Variants in NFKB1 observed in about 807,000 individuals in gnomAD.
NFKB1 encodes nuclear factor NF-kappa-B p105 subunit.
Under a neutral mutation model 105.1 loss-of-function variants are expected in NFKB1, and 9 were observed. The ratio of observed to expected loss-of-function variants is 0.09; its 90% CI spans 0.05 to 0.15. The LOEUF is 0.15. NFKB1 is among the 10% of genes least tolerant of loss of function. The probability of loss-of-function intolerance (pLI) is 1.00; values close to 1 mark genes in which losing one functional copy is unlikely to be tolerated. For synonymous variants in NFKB1, 440 were observed against 442.2 expected, an observed-to-expected ratio of 1.00 and a Z score of 0.06; for missense variants, 830 against 1,203.7, an observed-to-expected ratio of 0.69 and a Z score of 4.59.
At chr4:102,561,307 C>A (rs1272783047) in intron 5 of NFKB1, among the ~76,000 whole-genome samples, 1 of 136,664 alleles carries the variant, frequency 7.3e-6, no homozygotes, top group Admixed American at 8.2e-5. Context: ...GCCTGATAAT[C>A]TGACTTGCAA....
At chr4:102,535,432 G>A (rs1407466218) in intron 4 of NFKB1, among the ~76,000 whole-genome samples, 1 of 152,080 alleles carries the variant, frequency 6.6e-6, no homozygotes, top group African/African-American at 2.4e-5. Context: ...TCATATAAAA[G>A]CTTATGTGAG....
At position 102,608,712 on chromosome 4, in the gene NFKB1, G is replaced by T. The variant is rs112860432; in HGVS notation, c.2227+961G>T. Among the ~76,000 whole-genome samples the T allele has an allele frequency of 3.5e-3, 525 of 151,002 alleles. 4 individuals carry two copies. Among genetic ancestry groups the T allele is most frequent in the African/African-American group, 0.012 (503 of 41,048 alleles). On this transcript the variant is annotated intron_variant, in intron 19 of 23. Coordinates refer to ENST00000226574, the MANE Select transcript of NFKB1 (RefSeq NM_003998.4). Reference sequence around the variant, plus strand: ...TGCTTCATAAATTCAAGAAAACAAAGCAAAAGACATAGGAACTTTTTCTTT... The same window carrying T: ...TGCTTCATAAATTCAAGAAAACAAATCAAAAGACATAGGAACTTTTTCTTT...
At chr4:102,583,067 A>G (rs926791067) in intron 10 of NFKB1, 110 bp downstream of exon 10, 18 of 661,740 alleles carry the variant, frequency 2.7e-5, no homozygotes, top group South Asian at 1.7e-4. Flanking sequence ...GTATCCCCCA[A>G]CTGTTGGGCT....
chr4:102,576,035 G>A (rs757567985), intron 6 of NFKB1, among the ~76,000 whole-genome samples: 2 of 152,080 alleles, frequency 1.3e-5, no homozygotes, highest in African/African-American at 2.4e-5. Flanking sequence ...TTTGTTTCAT[G>A]TACTTTAATT....
At chr4:102,510,440 A>G (rs868424692) in intron 1 of NFKB1, among the ~76,000 whole-genome samples, 3 of 152,198 alleles carry the variant, frequency 2.0e-5, no homozygotes, top group Non-Finnish European at 4.4e-5. Flanking sequence ...GTTTGACAAA[A>G]TGAGCATCTC....
chr4:102,515,494 CT>C (rs989883477), intron 1 of NFKB1, among the ~76,000 whole-genome samples: 4 of 151,918 alleles, frequency 2.6e-5, no homozygotes, highest in African/African-American at 9.7e-5. Context: ...CTTCTTTATT[CT>C]TTTTTTTCTC....
chr4:102,558,027 T>C (rs1480350700), intron 5 of NFKB1, among the ~76,000 whole-genome samples: 2 of 150,164 alleles, frequency 1.3e-5, no homozygotes, highest in Non-Finnish European at 3.0e-5. Context: ...CATTGATATC[T>C]AGCCTTTTTT....
intron 17 of NFKB1, 121 bp from the exon 18 acceptor site, chr4:102,607,029 C>T: frequency 2.1e-6 from 2 of 968,990 alleles, no homozygotes; most frequent in Non-Finnish European, 3.4e-6. Flanking sequence ...GAACAATAGA[C>T]TTATAGTATC....
intron 1 of NFKB1, among the ~76,000 whole-genome samples, chr4:102,518,201 A>G (rs1007298999): frequency 1.3e-5 from 2 of 152,234 alleles, no homozygotes; most frequent in Non-Finnish European, 2.9e-5. Context: ...AGCAGGAATG[A>G]TGAAATTGCT....
At chr4:102,605,391 C>T (rs370395138) in intron 16 of NFKB1, among the ~76,000 whole-genome samples, 1 of 152,178 alleles carries the variant, frequency 6.6e-6, no homozygotes, top group Non-Finnish European at 1.5e-5. Context: ...ACCTACACAG[C>T]TAGGAGGTTG....
At chr4:102,530,593 G>T (rs910746857) in intron 3 of NFKB1, among the ~76,000 whole-genome samples, 1 of 152,160 alleles carries the variant, frequency 6.6e-6, no homozygotes. Flanking sequence ...CTTAACAGAT[G>T]TTCAAAAGCA....
At chr4:102,611,349 G>A (rs373290190) in intron 20 of NFKB1, among the ~76,000 whole-genome samples, 7 of 14,758 alleles carry the variant, frequency 4.7e-4, no homozygotes, top group Non-Finnish European at 7.5e-4. Context: ...GCTCACTGAC[G>A]TTAGCATGGT....
chr4:102,533,691 G>C lies in NFKB1; in HGVS notation c.119-154G>C, dbSNP rs549046323. Among the ~76,000 whole-genome samples the C allele has an allele frequency of 8.6e-4, 131 of 152,308 alleles. 2 individuals carry two copies. The highest frequency in any genetic ancestry group is 3.1e-3 in the African/African-American group (129 of 41,560). ...TTAATTTAATATTTCAGACAAGGAA[G>C]AGAAATTATATCCTTGTGGAATTTT... On this transcript the variant is annotated intron_variant, in intron 3 of 23. Coordinates refer to ENST00000226574, the MANE Select transcript of NFKB1 (RefSeq NM_003998.4).
chr4:102,579,998 A>G (rs371626189), intron 8 of NFKB1, among the ~76,000 whole-genome samples: 5 of 152,188 alleles, frequency 3.3e-5, no homozygotes, highest in African/African-American at 1.2e-4. Context: ...GCTTTATGCT[A>G]TTACCACAAG....
intron 14 of NFKB1, 124 bp from the exon 15 acceptor site, chr4:102,597,396 T>C: frequency 9.6e-7 from 1 of 1,038,750 alleles, no homozygotes; most frequent in Non-Finnish European, 1.3e-6. Context: ...GAAAGAACAT[T>C]TTCAACTAAA....
Position 102,567,012 on chromosome 4 carries a change from A to T in NFKB1, c.284A>T (p.Lys95Met). ...VKICNYVGPA[K>M]VIVQLVTNGK... ...ATCTGCAACTATGTGGGACCAGCAA[A>T]GGTTATTGTTCAGTTGGTCACAAAT... Residue 95 changes from lysine (K) to methionine (M), a missense_variant, in exon 6 of 24, where the codon AAG becomes ATG. Lys to Met is a moderately conservative substitution (Grantham distance 95). Coordinates refer to ENST00000226574, the MANE Select transcript of NFKB1 (RefSeq NM_003998.4). The T allele has an allele frequency of 6.2e-7, 1 of 1,613,972 alleles. No homozygotes were observed. The highest frequency in any genetic ancestry group is 8.5e-7 in the Non-Finnish European group (1 of 1,179,876).
intron 5 of NFKB1, among the ~76,000 whole-genome samples, chr4:102,556,624 AT>A (rs1260168176): frequency 6.6e-6 from 1 of 152,146 alleles, no homozygotes; most frequent in Admixed American, 6.6e-5. Context: ...ACACTTTTTC[AT>A]TTGATGGATC....
Position 102,616,879 on chromosome 4 carries a change from C to T in NFKB1, c.*285C>T, listed in dbSNP as rs1157077057. ...AGCTTTGCCAGCTGCTGCTGGATCA[C>T]AGCTGCTTTCTGTTGTCATTGCTGT... On this transcript the variant is annotated 3_prime_UTR_variant, in exon 24 of 24. Coordinates refer to ENST00000226574, the MANE Select transcript of NFKB1 (RefSeq NM_003998.4). 3 of 281,428 alleles carry T rather than the reference C, an allele frequency of 1.1e-5. No individual in the cohort carries two copies. Among genetic ancestry groups the T allele is most frequent in the African/African-American group, 2.1e-5 (1 of 46,684 alleles). 17.4% of individuals were successfully genotyped at this position (281,428 alleles called of 1,614,324 possible).
chr4:102,569,229 C>T (rs2149171151), intron 6 of NFKB1, among the ~76,000 whole-genome samples: 1 of 152,072 alleles, frequency 6.6e-6, no homozygotes, highest in South Asian at 2.1e-4. Flanking sequence ...TTCTGGAAAC[C>T]AGTATTTTAT....
Sources: allele counts gnomAD v4.1 joint callset (sites outside exome capture counted in the v4.1 genomes callset), GRCh38; gene constraint gnomAD v4.1.1; transcripts MANE v1.5; gene names NCBI Gene and HGNC (gene_info 2026-07-23, HGNC 2026-07-21).